The following CWC15 variants were observed in gnomAD, a reference collection of about 807,000 sequenced individuals.
CWC15 encodes the protein spliceosome-associated protein CWC15 homolog.
In CWC15, 12 loss-of-function variants were observed where a neutral mutation model predicts 28.4. That is an observed-to-expected ratio of 0.42 (90% CI 0.27 to 0.69). The LOEUF is 0.69. Among genes scored for constraint, CWC15 ranks in the 30% least tolerant of loss-of-function variants. The pLI, the probability that CWC15 is intolerant of heterozygous loss-of-function variation, is 0.23. For synonymous variants in CWC15, 92 were observed against 88.4 expected, an observed-to-expected ratio of 1.04 and a Z score of -0.23; for missense variants, 192 against 271.5, an observed-to-expected ratio of 0.71 and a Z score of 2.06.
Position 94,970,977 on chromosome 11 carries a change from A to G in CWC15, c.333T>C (p.Asp111=). ...ANLDADDPLT[D]EEDEDFEEES... The stretch of plus-strand genomic sequence containing the variant: ...GATGAAAGGAGGAAACAAAACATAC[A>G]TCTGTTAGAGGGTCATCTGCATCAA... Residue 111 remains aspartate (D), a splice_region_variant and synonymous_variant, in exon 4 of 7, where the codon GAT becomes GAC. Transcript: ENST00000279839. The G allele has an allele frequency of 6.2e-7, 1 of 1,609,458 alleles. No homozygotes were observed. Among genetic ancestry groups the G allele is most frequent in the Non-Finnish European group, 8.5e-7 (1 of 1,175,778 alleles).
At position 94,971,505 on chromosome 11, in the gene CWC15, CAGGGCAAAAATGTTACTTAAA is replaced by C; in HGVS notation, c.132-39_132-19del. On this transcript the variant is annotated intron_variant, in intron 2 of 6. Coordinates refer to ENST00000279839, the MANE Select transcript of CWC15 (RefSeq NM_016403.4). ...TAGTCTGTCTAAAGTAGAAACAAAC[CAGGGCAAAAATGTTACTTAAA>C]CACACACACACACACACACAGAGAC... The C allele has an allele frequency of 6.6e-7, 1 of 1,513,438 alleles. No individual in the cohort carries two copies. Among genetic ancestry groups the C allele is most frequent in the Non-Finnish European group, 9.1e-7 (1 of 1,102,982 alleles). The allele number at this position is 1,513,438 out of a possible 1,614,324, so 93.8% of individuals were successfully genotyped here.
intron 1 of CWC15, among the ~76,000 whole-genome samples, chr11:94,973,053 G>C (rs1335897522): frequency 1.3e-5 from 2 of 151,466 alleles, no homozygotes; most frequent in African/African-American, 2.4e-5. Flanking sequence ...TTTTTGGGGG[G>C]GGGGCGATGC....
At chr11:94,968,443 G>C (rs1555095652) in intron 5 of CWC15, among the ~76,000 whole-genome samples, 1 of 152,162 alleles carries the variant, frequency 6.6e-6, no homozygotes, top group Non-Finnish European at 1.5e-5. Flanking sequence ...TCACAAAACT[G>C]CAAGGCCTTC....
intron 6 of CWC15, among the ~76,000 whole-genome samples, chr11:94,964,373 T>G (rs1857611553): frequency 6.6e-6 from 1 of 152,168 alleles, no homozygotes; most frequent in Admixed American, 6.5e-5. Flanking sequence ...TGGGCACCTT[T>G]GGAAAACAGT....
rs896883363 is a variant in CWC15 at position 94,967,728 on chromosome 11, A to G, written c.442-1315T>C. ...AAATAAAAATCAAAATGGGAGGTGA[A>G]AAGATCTAACTTGTAAGGAAATAGG... On this transcript the variant is annotated intron_variant, in intron 5 of 6. Transcript: ENST00000279839. Among the ~76,000 whole-genome samples, 3 of 152,336 alleles carry G rather than the reference A, an allele frequency of 2.0e-5. No individual in the cohort carries two copies. In the East Asian group the frequency reaches 5.8e-4, roughly 29 times the overall value.
At chr11:94,966,795 T>C (rs1309944983) in intron 5 of CWC15, among the ~76,000 whole-genome samples, 2 of 152,068 alleles carry the variant, frequency 1.3e-5, no homozygotes, top group South Asian at 2.1e-4. Context: ...ACATATTGAA[T>C]ATCAAAAAGA....
intron 5 of CWC15, among the ~76,000 whole-genome samples, chr11:94,969,424 A>C (rs1857687836): frequency 6.6e-6 from 1 of 152,280 alleles, no homozygotes; most frequent in Non-Finnish European, 1.5e-5. Context: ...ATTGTTTTGC[A>C]AACCTCTAAT....
intron 5 of CWC15, among the ~76,000 whole-genome samples, chr11:94,967,174 C>T (rs1001522139): frequency 2.8e-4 from 42 of 151,908 alleles, no homozygotes; most frequent in African/African-American, 8.2e-4. Flanking sequence ...GCCTCTGGCA[C>T]GTGCCATCAT....
intron 4 of CWC15, 108 bp downstream of exon 4, chr11:94,970,869 G>C: frequency 1.1e-6 from 1 of 910,684 alleles, no homozygotes; most frequent in South Asian, 1.3e-5. Flanking sequence ...TTGAATAACA[G>C]TAACTAAACA....
chr11:94,970,910 A>T, intron 4 of CWC15, 67 bp downstream of exon 4: 1 of 1,279,194 alleles, frequency 7.8e-7, no homozygotes. Flanking sequence ...AAGCAAAGAC[A>T]TAACAAGTAT....
At chr11:94,964,174 A>G (rs1857608522) in intron 6 of CWC15, among the ~76,000 whole-genome samples, 1 of 152,204 alleles carries the variant, frequency 6.6e-6, no homozygotes, top group Non-Finnish European at 1.5e-5. Flanking sequence ...GTTATAGAAA[A>G]TAAAGAGCAT....
chr11:94,967,766 T>C (rs587626068), intron 5 of CWC15, among the ~76,000 whole-genome samples: 351 of 152,344 alleles, frequency 2.3e-3, no homozygotes, highest in Non-Finnish European at 3.9e-3. Context: ...AATTCCTTTA[T>C]GTCACTGGTC....
intron 5 of CWC15, among the ~76,000 whole-genome samples, chr11:94,967,837 A>G (rs1857666943): frequency 6.6e-6 from 1 of 152,246 alleles, no homozygotes; most frequent in South Asian, 2.1e-4. Flanking sequence ...CTATATATTT[A>G]TTTGTAACAA....
At chr11:94,973,301 CTG>C (rs1565415432) in intron 1 of CWC15, 195 bp downstream of exon 1, 1 of 25,254 alleles carries the variant, frequency 4.0e-5, no homozygotes, top group Non-Finnish European at 1.4e-4. Context: ...AGTAGGCGAG[CTG>C]CCTGTACGCT....
Position 94,969,981 on chromosome 11 carries a change from G to C in CWC15, c.441+8C>G, listed in dbSNP as rs1555095917. 2 of 1,506,440 alleles carry C rather than the reference G, an allele frequency of 1.3e-6. No individual in the cohort carries two copies. Among genetic ancestry groups the C allele is most frequent in the East Asian group, 4.9e-5 (2 of 40,632 alleles). 93.3% of individuals were successfully genotyped at this position (1,506,440 alleles called of 1,614,324 possible). A position where few individuals can be genotyped will look rare whatever the true frequency, so the allele number is the denominator to read the frequency against. Reference sequence around the variant, plus strand: ...GATAGATGTAAATATTTAATACTTTGGTTTTACCTTCCTGGCCTGCTCTTC... The same window carrying C: ...GATAGATGTAAATATTTAATACTTTCGTTTTACCTTCCTGGCCTGCTCTTC... On this transcript the variant is annotated splice_region_variant and intron_variant, in intron 5 of 6. Coordinates refer to ENST00000279839, the MANE Select transcript of CWC15 (RefSeq NM_016403.4).
chr11:94,970,023 A>AT lies in CWC15; in HGVS notation c.406dup (p.Ile136AsnfsTer2). Reference sequence around the variant, plus strand: ...CTGCTCTTCAGCTCTTTCTTTTTTAATTTTTTCCAGTTCTGCAAGAAGAGC... The same window carrying AT: ...CTGCTCTTCAGCTCTTTCTTTTTTAATTTTTTTCCAGTTCTGCAAGAAGAGC... On this transcript the variant is annotated frameshift_variant, in exon 5 of 7. Coordinates refer to ENST00000279839, the MANE Select transcript of CWC15 (RefSeq NM_016403.4). LOFTEE classifies it high-confidence loss of function. The AT allele has an allele frequency of 6.4e-7, 1 of 1,570,810 alleles. No individual in the cohort carries two copies. Among genetic ancestry groups the AT allele is most frequent in the Non-Finnish European group, 8.6e-7 (1 of 1,157,510 alleles).
chr11:94,972,069 T>C lies in CWC15; in HGVS notation c.117A>G (p.Thr39=), dbSNP rs1555096316. 2 of 1,611,328 alleles carry C rather than the reference T, an allele frequency of 1.2e-6. No individual in the cohort carries two copies. Among genetic ancestry groups the C allele is most frequent in the Non-Finnish European group, 1.7e-6 (2 of 1,179,154 alleles). Residue 39 remains threonine, a synonymous_variant, in exon 2 of 7, where the codon ACA becomes ACG. Coordinates refer to ENST00000279839, the MANE Select transcript of CWC15 (RefSeq NM_016403.4). ...AGTCTTACTACCTGTATTTTATCTT[T>C]GTATGAGAGGGTAGGTCTCTGCTTG... ...QYSSRDLPSH[T]KIKYRQTTQD... is the part of the protein sequence containing the mutation.
chr11:94,967,189 G>C (rs782500623), intron 5 of CWC15, among the ~76,000 whole-genome samples: 1 of 151,836 alleles, frequency 6.6e-6, no homozygotes, highest in African/African-American at 2.4e-5. Context: ...CATCATGCCC[G>C]GCTAATTTTT....
intron 2 of CWC15, among the ~76,000 whole-genome samples, 157 bp from the exon 3 acceptor site, chr11:94,971,644 T>C (rs587707682): frequency 2.0e-5 from 3 of 152,342 alleles, no homozygotes; most frequent in Non-Finnish European, 4.4e-5. Flanking sequence ...TGAAGGTTAC[T>C]AACAGCCACT....
Sources: gnomAD v4.1 joint callset for allele counts (sites outside exome capture counted in the v4.1 genomes callset) on GRCh38, gnomAD v4.1.1 for gene constraint, MANE v1.5 for transcripts, NCBI Gene and HGNC (gene_info 2026-07-23, HGNC 2026-07-21) for gene names.